Variants in PSD3 observed in about 807,000 individuals in gnomAD.
PSD3 encodes PH and SEC7 domain-containing protein 3.
In PSD3, 49 loss-of-function variants were observed where a neutral mutation model predicts 105.5. That is an observed-to-expected ratio of 0.46 (90% CI 0.37 to 0.59). PSD3 has a LOEUF of 0.59. Ranked by LOEUF, PSD3 falls within the 20% of genes least tolerant of loss-of-function variation. The probability of loss-of-function intolerance (pLI) is 0.00; values close to 1 mark genes in which losing one functional copy is unlikely to be tolerated. For synonymous variants in PSD3, 557 were observed against 457.8 expected, an observed-to-expected ratio of 1.22 and a Z score of -2.77; for missense variants, 1,561 against 1,263.8, an observed-to-expected ratio of 1.24 and a Z score of -3.57.
In PSD3 at chr8:18,723,476, T is replaced by C. The variant is rs529035990; in HGVS notation, c.2172+41973A>G. 2.3e-4 allele frequency among the ~76,000 whole-genome samples: 35 copies of C among 152,346 alleles called. No homozygotes were observed. The South Asian group carries it at 7.3e-3, about 32-fold the overall frequency. ...TTTTAATATAATCTAAGTTAGTTCC[T>C]TAGGCGTTTCTCTACTGAAGATCAA... On this transcript the variant is annotated intron_variant, in intron 9 of 15. Coordinates refer to ENST00000327040, the MANE Select transcript of PSD3 (RefSeq NM_015310.4).
At chr8:18,829,160 T>C (rs1193255873) in intron 4 of PSD3, among the ~76,000 whole-genome samples, 3 of 152,116 alleles carry the variant, frequency 2.0e-5, no homozygotes, top group Non-Finnish European at 4.4e-5. Context: ...GACAGGTGGA[T>C]CAACTGAAGG....
chr8:18,935,583 G>T (rs553000743), intron 2 of PSD3, among the ~76,000 whole-genome samples: 1 of 151,360 alleles, frequency 6.6e-6, no homozygotes, highest in East Asian at 1.9e-4. Flanking sequence ...TGTAGTCCCA[G>T]CTAGTTGGGA....
At chr8:18,899,039 C>T (rs550406205) in intron 2 of PSD3, among the ~76,000 whole-genome samples, 1 of 152,278 alleles carries the variant, frequency 6.6e-6, no homozygotes, top group South Asian at 2.1e-4. Context: ...ATAGAAGGGT[C>T]AACATCATAA....
rs1216820670 is a variant in PSD3 at position 18,916,349 on chromosome 8, T to TACACAC, written c.130+19679_130+19684dup. ...ATATATATATATATATATATATATA[T>TACACAC]ACACACACACACACACACACACACA... On this transcript the variant is annotated intron_variant, in intron 2 of 15. Coordinates refer to ENST00000327040, the MANE Select transcript of PSD3 (RefSeq NM_015310.4). 2.2e-3 allele frequency among the ~76,000 whole-genome samples: 97 copies of TACACAC among 44,682 alleles called. 1 individual carries two copies. Among genetic ancestry groups the TACACAC allele is most frequent in the African/African-American group, 5.7e-3 (68 of 11,984 alleles). 29.3% of individuals were successfully genotyped at this position (44,682 alleles called of 152,430 possible). A position where few individuals can be genotyped will look rare whatever the true frequency, so the allele number is the denominator to read the frequency against.
At chr8:18,550,119 G>A (rs1456163077) in intron 15 of PSD3, among the ~76,000 whole-genome samples, 1 of 152,150 alleles carries the variant, frequency 6.6e-6, no homozygotes, top group Non-Finnish European at 1.5e-5. Flanking sequence ...ATCAGAGCAG[G>A]CATTTCAGTA....
chr8:18,549,813 A>C (rs1800658476), intron 15 of PSD3, among the ~76,000 whole-genome samples: 1 of 152,236 alleles, frequency 6.6e-6, no homozygotes, highest in Admixed American at 6.5e-5. Flanking sequence ...TTTTATGTTT[A>C]ACACTCATAG....
intron 1 of PSD3, among the ~76,000 whole-genome samples, chr8:18,971,926 G>C (rs889790152): frequency 2.6e-5 from 4 of 152,070 alleles, no homozygotes; most frequent in Admixed American, 1.3e-4. Flanking sequence ...AATCGCTTGA[G>C]CCTGGGAGGC....
intron 9 of PSD3, among the ~76,000 whole-genome samples, chr8:18,665,757 G>A (rs542549646): frequency 6.6e-6 from 1 of 152,330 alleles, no homozygotes; most frequent in South Asian, 2.1e-4. Context: ...AGGCTGAGGT[G>A]AGAAGACTGT....
At chr8:18,911,805 A>G (rs1212930490) in intron 2 of PSD3, among the ~76,000 whole-genome samples, 2 of 152,122 alleles carry the variant, frequency 1.3e-5, no homozygotes, top group East Asian at 3.9e-4. Context: ...CCCCCACCAC[A>G]CACATCACTA....
chr8:18,549,097 T>G (rs889366896), intron 15 of PSD3, among the ~76,000 whole-genome samples: 15 of 151,954 alleles, frequency 9.9e-5, no homozygotes, highest in Non-Finnish European at 2.9e-5. Flanking sequence ...CTCTTGGCAG[T>G]GACCTTTCTG....
intron 12 of PSD3, among the ~76,000 whole-genome samples, chr8:18,593,922 A>T (rs1206729506): frequency 3.1e-5 from 4 of 130,662 alleles, no homozygotes; most frequent in African/African-American, 1.2e-4. Context: ...GGAATTGAAC[A>T]ATGAGAACAC....
chr8:18,667,649 G>C lies in PSD3; in HGVS notation c.2173-11964C>G, dbSNP rs1307456060. ...TGGATCCTGAACCAGGCGGCAGGCA[G>C]AGCTGCCCGCCAGTCCCGCCGTGTG... On this transcript the variant is annotated intron_variant, in intron 9 of 15. Transcript: ENST00000327040. Among the ~76,000 whole-genome samples, 6 of 152,350 alleles carry C rather than the reference G, an allele frequency of 3.9e-5. No homozygotes were observed. In the East Asian group the frequency reaches 1.2e-3, roughly 29 times the overall value.
chr8:18,548,622 G>A lies in PSD3; in HGVS notation c.2928+7587C>T, dbSNP rs112351037. Reference sequence around the variant, plus strand: ...TGAGTGCTGAGAGCCTCCCATTTGCGTGCCCTTGGCCAGTGTCCTCTAATG... The same window carrying A: ...TGAGTGCTGAGAGCCTCCCATTTGCATGCCCTTGGCCAGTGTCCTCTAATG... On this transcript the variant is annotated intron_variant, in intron 15 of 15. Coordinates refer to ENST00000327040, the MANE Select transcript of PSD3 (RefSeq NM_015310.4). 1.1e-3 allele frequency among the ~76,000 whole-genome samples: 165 copies of A among 152,272 alleles called. 1 individual carries two copies. Among genetic ancestry groups the A allele is most frequent in the African/African-American group, 3.6e-3 (151 of 41,560 alleles).
intron 4 of PSD3, among the ~76,000 whole-genome samples, chr8:18,818,375 T>C (rs577933860): frequency 1.3e-5 from 2 of 152,152 alleles, no homozygotes; most frequent in African/African-American, 2.4e-5. Flanking sequence ...TAGGGAGCTA[T>C]ACATGATCTT....
At chr8:18,833,752 AAAGATCTAG>A (rs1219495692) in intron 4 of PSD3, among the ~76,000 whole-genome samples, 1 of 152,238 alleles carries the variant, frequency 6.6e-6, no homozygotes, top group Non-Finnish European at 1.5e-5. Context: ...CCTCATTTTA[AAAGATCTAG>A]CACAATAAAT....
At chr8:18,774,358 C>T (rs1220552783) in intron 8 of PSD3, among the ~76,000 whole-genome samples, 1 of 152,126 alleles carries the variant, frequency 6.6e-6, no homozygotes. Context: ...CAAAAATTCA[C>T]CCCTTCTTTG....
chr8:18,845,932 T>G (rs76397934), intron 4 of PSD3, among the ~76,000 whole-genome samples: 474 of 152,368 alleles, frequency 3.1e-3, no homozygotes, highest in African/African-American at 0.011. Flanking sequence ...AATAATTAAA[T>G]GCATTTGTAA....
intron 8 of PSD3, among the ~76,000 whole-genome samples, chr8:18,779,846 C>T (rs1311329291): frequency 6.6e-6 from 1 of 152,084 alleles, no homozygotes; most frequent in Non-Finnish European, 1.5e-5. Flanking sequence ...TGTTGTATAA[C>T]AAATAGTCTA....
intron 4 of PSD3, among the ~76,000 whole-genome samples, chr8:18,814,092 G>T (rs374603959): frequency 9.6e-4 from 146 of 152,340 alleles, no homozygotes; most frequent in African/African-American, 3.3e-3. Flanking sequence ...CCCTGGAAGG[G>T]ACAGCCTCTT....
Sources: allele counts gnomAD v4.1 joint callset (sites outside exome capture counted in the v4.1 genomes callset), GRCh38; gene constraint gnomAD v4.1.1; transcripts MANE v1.5; gene names NCBI Gene and HGNC (gene_info 2026-07-23, HGNC 2026-07-21).